Variants in RBFOX1 observed in about 807,000 individuals in gnomAD.
The protein encoded by RBFOX1 is RNA binding protein fox-1 homolog 1.
A neutral mutation model predicts 57.7 loss-of-function variants in RBFOX1; 8 were observed. That is an observed-to-expected ratio of 0.14 (90% CI 0.08 to 0.25). The LOEUF is 0.25. Ranked by LOEUF, RBFOX1 falls within the 10% of genes least tolerant of loss-of-function variation. RBFOX1 has a pLI of 1.00. For missense variants in RBFOX1, 611 were observed against 548.5 expected (o/e 1.11, Z -1.14); for synonymous variants, 326 against 222.4 (o/e 1.47, Z -4.15).
At chr16:7,641,641 T>G (rs116866705) in intron 11 of RBFOX1, among the ~76,000 whole-genome samples, 3 of 152,222 alleles carry the variant, frequency 2.0e-5, no homozygotes, top group Non-Finnish European at 2.9e-5. Context: ...CTCAAACATT[T>G]CCAGAAGATC....
intron 1 of RBFOX1, among the ~76,000 whole-genome samples, chr16:6,113,674 G>A (rs1044208162): frequency 6.6e-6 from 1 of 152,210 alleles, no homozygotes; most frequent in African/African-American, 2.4e-5. Flanking sequence ...GTATGAGGAG[G>A]GAGAAAAGAA....
At chr16:7,145,926 G>A (rs910519667) in intron 4 of RBFOX1, among the ~76,000 whole-genome samples, 1 of 152,100 alleles carries the variant, frequency 6.6e-6, no homozygotes, top group Admixed American at 6.5e-5. Context: ...TGGCGGAGTA[G>A]CCGTAGTGGA....
intron 2 of RBFOX1, among the ~76,000 whole-genome samples, chr16:6,371,179 TG>T (rs1397044695): frequency 1.3e-5 from 2 of 152,136 alleles, no homozygotes; most frequent in Non-Finnish European, 2.9e-5. Flanking sequence ...ATACATAGTT[TG>T]GGGGTGGGAG....
At chr16:6,539,806 G>GACACACACAGACACACACACACACACAC in intron 2 of RBFOX1, among the ~76,000 whole-genome samples, 1 of 136,234 alleles carries the variant, frequency 7.3e-6, no homozygotes, top group South Asian at 2.6e-4. Flanking sequence ...TCAAAACACA[G>GACACACACAGACACACACACACACACAC]ACACACACAC....
At chr16:7,440,093 G>T (rs1041328586) in intron 4 of RBFOX1, among the ~76,000 whole-genome samples, 1 of 151,514 alleles carries the variant, frequency 6.6e-6, no homozygotes, top group South Asian at 2.1e-4. Flanking sequence ...CTGGGGTTTT[G>T]CCGTGTCGCC....
intron 1 of RBFOX1, among the ~76,000 whole-genome samples, chr16:6,231,512 C>G (rs535835491): frequency 1.3e-5 from 2 of 152,272 alleles, no homozygotes; most frequent in East Asian, 3.9e-4. Context: ...GATTTGGCTT[C>G]TCATGTTGGC....
intron 4 of RBFOX1, among the ~76,000 whole-genome samples, chr16:7,302,311 G>A (rs781214097): frequency 6.6e-6 from 1 of 152,158 alleles, no homozygotes. Context: ...AGAGCCGTGG[G>A]ATAATTAGTT....
intron 14 of RBFOX1, among the ~76,000 whole-genome samples, chr16:7,692,704 CTAAAAG>C (rs2077618794): frequency 6.6e-6 from 1 of 152,062 alleles, no homozygotes; most frequent in Admixed American, 6.6e-5. Flanking sequence ...TCTGGGTTTA[CTAAAAG>C]TAAAATAGCA....
At position 6,044,683 on chromosome 16, in the gene RBFOX1, C is replaced by G. The variant is rs189893369; in HGVS notation, c.-127+24691C>G. Among the ~76,000 whole-genome samples, 7 of 152,064 alleles carry G rather than the reference C, an allele frequency of 4.6e-5. No homozygotes were observed. The East Asian group carries it at 5.8e-4, about 13-fold the overall frequency. On this transcript the variant is annotated intron_variant, in intron 1 of 15. Coordinates refer to ENST00000550418, the MANE Select transcript of RBFOX1 (RefSeq NM_018723.4). ...TTATATTTTTTATTTTTTGATTGTG[C>G]GGAAACTATTATATAATGGCCTTCT... is the stretch of plus-strand genomic sequence containing the variant.
At chr16:5,591,738 C>T (rs2047014992) in intron 2 of RBFOX1, among the ~76,000 whole-genome samples, 1 of 152,148 alleles carries the variant, frequency 6.6e-6, no homozygotes, top group Non-Finnish European at 1.5e-5. Flanking sequence ...CTGACAGTGT[C>T]TGGATTCACT....
At chr16:6,939,767 C>G (rs934362927) in intron 3 of RBFOX1, among the ~76,000 whole-genome samples, 2 of 152,084 alleles carry the variant, frequency 1.3e-5, no homozygotes, top group African/African-American at 4.8e-5. Flanking sequence ...CTGCCTTGGC[C>G]TACCATAGTG....
intron 2 of RBFOX1, among the ~76,000 whole-genome samples, chr16:5,574,561 C>G (rs759104322): frequency 6.6e-6 from 1 of 151,956 alleles, no homozygotes; most frequent in African/African-American, 2.4e-5. Context: ...GATTACGGTG[C>G]CTGCCACCAC....
At chr16:6,033,368 G>A (rs1596534542) in intron 1 of RBFOX1, among the ~76,000 whole-genome samples, 3 of 152,144 alleles carry the variant, frequency 2.0e-5, no homozygotes, top group Non-Finnish European at 1.5e-5. Flanking sequence ...AAATGCAGGA[G>A]TATGCAGAGA....
At chr16:5,434,745 C>A (rs1268805673) in intron 1 of RBFOX1, among the ~76,000 whole-genome samples, 1 of 152,140 alleles carries the variant, frequency 6.6e-6, no homozygotes, top group African/African-American at 2.4e-5. Flanking sequence ...ATTTGCAATA[C>A]CTTGTCCTTT....
chr16:7,575,407 A>G (rs907118190), intron 5 of RBFOX1, among the ~76,000 whole-genome samples: 17 of 152,180 alleles, frequency 1.1e-4, no homozygotes, highest in African/African-American at 4.1e-4. Context: ...TGCTGGGATT[A>G]TAGGTGTAAG....
chr16:5,816,754 A>T (rs2055655845), intron 3 of RBFOX1, among the ~76,000 whole-genome samples: 1 of 152,186 alleles, frequency 6.6e-6, no homozygotes, highest in African/African-American at 2.4e-5. Flanking sequence ...ACTGTACTCT[A>T]GCCTGGGTAA....
chr16:6,741,638 C>A, intron 3 of RBFOX1, among the ~76,000 whole-genome samples: 1 of 150,048 alleles, frequency 6.7e-6, no homozygotes, highest in Admixed American at 6.6e-5. Flanking sequence ...CACTGCACTC[C>A]AGCCTGGGCG....
At chr16:7,354,305 A>G (rs1351547762) in intron 4 of RBFOX1, among the ~76,000 whole-genome samples, 1 of 152,222 alleles carries the variant, frequency 6.6e-6, no homozygotes, top group Non-Finnish European at 1.5e-5. Flanking sequence ...ACTTTGTGGA[A>G]TATGAATTAT....
intron 4 of RBFOX1, among the ~76,000 whole-genome samples, chr16:7,278,712 C>G (rs1349439681): frequency 2.0e-5 from 3 of 152,170 alleles, no homozygotes; most frequent in Non-Finnish European, 4.4e-5. Flanking sequence ...AAACATATTA[C>G]AAATTGCCAA....
Sources: allele counts gnomAD v4.1 joint callset (sites outside exome capture counted in the v4.1 genomes callset), GRCh38; gene constraint gnomAD v4.1.1; transcripts MANE v1.5; gene names NCBI Gene and HGNC (gene_info 2026-07-23, HGNC 2026-07-21).